The following AGR3 variants were observed in gnomAD, a reference collection of about 807,000 sequenced individuals.
The protein encoded by AGR3 is anterior gradient protein 3.
AGR3 carries 37 observed loss-of-function variants against 24.5 expected under a neutral mutation model. The ratio of observed to expected loss-of-function variants is 1.51; its 90% confidence interval spans 1.16 to 1.99. AGR3 has a LOEUF of 1.99. Among genes scored for constraint, AGR3 ranks in the 30% most tolerant of loss-of-function variants. AGR3 has a pLI of 0.00. For missense variants in AGR3, 228 were observed against 191.1 expected, an observed-to-expected ratio of 1.19 and a Z score of -1.14; for synonymous variants, 75 against 61.6, an observed-to-expected ratio of 1.22 and a Z score of -1.02.
At chr7:16,871,507 A>G (rs376682588) in intron 3 of AGR3, among the ~76,000 whole-genome samples, 6 of 152,216 alleles carry the variant, frequency 3.9e-5, no homozygotes, top group African/African-American at 1.2e-4. Context: ...ACAATAACAA[A>G]CTAGCTGAAA....
Position 16,878,662 on chromosome 7 carries a change from A to T in AGR3, c.-27-17T>A, listed in dbSNP as rs1233363116. ...CAGAAGAAGCTAGATGACAGAAAGG[A>T]ATTCTCAGAATCCAGTGAATTACTT... is the stretch of plus-strand genomic sequence containing the variant. On this transcript the variant is annotated splice_polypyrimidine_tract_variant and intron_variant, in intron 1 of 7. Coordinates refer to ENST00000310398, the MANE Select transcript of AGR3 (RefSeq NM_176813.5). 6.6e-7 allele frequency: 1 copy of T among 1,515,486 alleles called. No homozygotes were observed. Among genetic ancestry groups the T allele is most frequent in the Admixed American group, 1.7e-5 (1 of 59,106 alleles). The allele number at this position is 1,515,486 out of a possible 1,614,324, so 93.9% of individuals were successfully genotyped here.
chr7:16,874,886 G>T (rs753880374), intron 2 of AGR3, among the ~76,000 whole-genome samples: 2 of 152,028 alleles, frequency 1.3e-5, no homozygotes, highest in Non-Finnish European at 2.9e-5. Context: ...TGAGACCAAG[G>T]TGGGTGGATC....
intron 3 of AGR3, chr7:16,864,319 T>G: frequency 7.3e-7 from 1 of 1,365,306 alleles, no homozygotes. Context: ...CACGTCTCCT[T>G]GGGCTGAAAA....
intron 3 of AGR3, among the ~76,000 whole-genome samples, chr7:16,869,544 A>G (rs2254186): frequency 1.6e-4 from 25 of 152,108 alleles, no homozygotes; most frequent in Non-Finnish European, 3.5e-4. Flanking sequence ...TCTGGGCAAC[A>G]TGATGAAACC....
rs1393921310 is a variant in AGR3, at chr7:16,873,821, C to G, written c.132G>C (p.Trp44Cys). 1.2e-6 allele frequency: 2 copies of G among 1,612,726 alleles called. No homozygotes were observed. The highest frequency in any genetic ancestry group is 2.7e-5 in the African/African-American group (2 of 74,808). Residue 44 changes from tryptophan to cysteine, a missense_variant, in exon 3 of 8, where the codon TGG becomes TGC. By Grantham distance (215) the Trp-to-Cys change is radical. Transcript: ENST00000310398. ...AGAGACCTTCTTCATAAGTTTGTAC[C>G]CAAGTGATGTCATCTCCCCATCCTG... ...LSRGWGDDIT[W>C]VQTYEEGLFY...
intron 2 of AGR3, among the ~76,000 whole-genome samples, chr7:16,877,758 G>A (rs954708625): frequency 2.6e-5 from 4 of 151,720 alleles, no homozygotes; most frequent in African/African-American, 9.7e-5. Context: ...AGCTACTTGG[G>A]AGGCTGAGGC....
chr7:16,874,766 C>T (rs1781952560), intron 2 of AGR3, among the ~76,000 whole-genome samples: 1 of 152,018 alleles, frequency 6.6e-6, no homozygotes, highest in African/African-American at 2.4e-5. Context: ...TGTTTGTTTT[C>T]TGGCGACAGC....
intron 7 of AGR3, 110 bp from the exon 8 acceptor site, chr7:16,859,741 C>A: frequency 1.5e-6 from 1 of 647,250 alleles, no homozygotes; most frequent in Admixed American, 3.1e-5. Flanking sequence ...TAGCTTTGAA[C>A]ATGGGAATTC....
chr7:16,866,935 T>G (rs901730915), intron 3 of AGR3, among the ~76,000 whole-genome samples: 2 of 152,124 alleles, frequency 1.3e-5, no homozygotes, highest in Non-Finnish European at 2.9e-5. Context: ...TAGTAATTTC[T>G]TTTTAGACTT....
chr7:16,879,012 T>C (rs1403663252), intron 1 of AGR3, among the ~76,000 whole-genome samples: 1 of 152,228 alleles, frequency 6.6e-6, no homozygotes, highest in Non-Finnish European at 1.5e-5. Context: ...ATGAAGTGAC[T>C]TTTAGCATGC....
intron 2 of AGR3, among the ~76,000 whole-genome samples, chr7:16,877,448 A>G (rs570868664): frequency 2.0e-5 from 3 of 151,606 alleles, no homozygotes; most frequent in African/African-American, 4.8e-5. Context: ...CAGTGGTAAT[A>G]TGAATGGAGC....
At position 16,872,525 on chromosome 7, in the gene AGR3, G is replaced by T. The variant is rs541208831; in HGVS notation, c.173+1255C>A. On this transcript the variant is annotated intron_variant, in intron 3 of 7. Transcript: ENST00000310398. ...ACTCCTAGAAGAAAATATAAGGGAA[G>T]CCCTTCGGACATTGTTCCCTGCAAA... Among the ~76,000 whole-genome samples, 80 of 152,240 alleles carry T rather than the reference G, an allele frequency of 5.3e-4. 2 individuals are homozygous for T. Among genetic ancestry groups the T allele is most frequent in the African/African-American group, 1.9e-3 (78 of 41,548 alleles).
chr7:16,879,865 A>C (rs1782068654), intron 1 of AGR3, among the ~76,000 whole-genome samples: 1 of 152,168 alleles, frequency 6.6e-6, no homozygotes, highest in Non-Finnish European at 1.5e-5. Flanking sequence ...GGAGAACAAC[A>C]ATTTGGTGGT....
chr7:16,858,572 T>G (rs936516565), downstream of AGR3, among the ~76,000 whole-genome samples: 1 of 152,116 alleles, frequency 6.6e-6, no homozygotes, highest in Non-Finnish European at 1.5e-5. Context: ...ATCTACCCAA[T>G]AATTAAGAAG....
chr7:16,875,317 A>T (rs1781966097), intron 2 of AGR3, among the ~76,000 whole-genome samples: 1 of 151,938 alleles, frequency 6.6e-6, no homozygotes, highest in Non-Finnish European at 1.5e-5. Flanking sequence ...GTCTCTATAG[A>T]TTTGCTTATG....
intron 3 of AGR3, among the ~76,000 whole-genome samples, chr7:16,868,335 A>G (rs563992363): frequency 6.6e-6 from 1 of 152,118 alleles, no homozygotes; most frequent in Non-Finnish European, 1.5e-5. Flanking sequence ...TTGTATTTTT[A>G]GTAGAGATGG....
intron 3 of AGR3, among the ~76,000 whole-genome samples, chr7:16,871,826 G>A (rs553206980): frequency 2.0e-5 from 3 of 152,190 alleles, no homozygotes; most frequent in East Asian, 3.9e-4. Context: ...TGGTGACAGA[G>A]CAAGACTCCA....
At chr7:16,865,974 C>A in intron 3 of AGR3, 1 of 676,704 alleles carries the variant, frequency 1.5e-6, no homozygotes, top group South Asian at 1.5e-5. Flanking sequence ...GTTTCAACTT[C>A]TTCAATTATC....
intron 1 of AGR3, among the ~76,000 whole-genome samples, chr7:16,881,615 CGTAA>C (rs997941318): frequency 4.6e-5 from 7 of 151,868 alleles, no homozygotes; most frequent in African/African-American, 7.3e-5. Flanking sequence ...AGTAATTTAA[CGTAA>C]GTAACTGATA....
Sources: allele counts gnomAD v4.1 joint callset (sites outside exome capture counted in the v4.1 genomes callset), GRCh38; gene constraint gnomAD v4.1.1; transcripts MANE v1.5; gene names NCBI Gene and HGNC (gene_info 2026-07-23, HGNC 2026-07-21).